The following MTF2 variants were observed in gnomAD, a reference collection of about 807,000 sequenced individuals.
MTF2 encodes the protein metal response element binding transcription factor 2.
A neutral mutation model predicts 79.5 loss-of-function variants in MTF2; 11 were observed. That is an observed-to-expected ratio of 0.14 (90% CI 0.09 to 0.23). The LOEUF is 0.23. Ranked by LOEUF, MTF2 falls within the 10% of genes least tolerant of loss-of-function variation. The probability of loss-of-function intolerance (pLI) is 1.00; values close to 1 mark genes in which losing one functional copy is unlikely to be tolerated. For synonymous variants in MTF2, 208 were observed against 232.8 expected, an observed-to-expected ratio of 0.89 and a Z score of 0.97; for missense variants, 486 against 711.2, an observed-to-expected ratio of 0.68 and a Z score of 3.60.
At chr1:93,096,448 A>C (rs547096) in intron 1 of MTF2, among the ~76,000 whole-genome samples, 152,039 of 152,246 alleles carry the variant, frequency 1, 75,917 homozygotes, top group East Asian at 1. Flanking sequence ...CATGAATAAT[A>C]TTTCCCAAAT....
In MTF2 at chr1:93,079,417, C is replaced by CCGGTGGGGCGGGTGCCCAGTAAGTGCT; in HGVS notation, c.-106_-80dup. ...TTGTGCGTGCATATGTGCCGGGTAC[C>CCGGTGGGGCGGGTGCCCAGTAAGTGCT]CGGTGGGGCGGGTGCCCAGTAAGTG... On this transcript the variant is annotated 5_prime_UTR_variant, in exon 1 of 15. Coordinates refer to ENST00000370298, the MANE Select transcript of MTF2 (RefSeq NM_007358.4). The CCGGTGGGGCGGGTGCCCAGTAAGTGCT allele has an allele frequency of 7.1e-7, 1 of 1,403,578 alleles. No homozygotes were observed. Among genetic ancestry groups the CCGGTGGGGCGGGTGCCCAGTAAGTGCT allele is most frequent in the South Asian group, 1.2e-5 (1 of 85,366 alleles). The allele number at this position is 1,403,578 out of a possible 1,614,324, so 86.9% of individuals were successfully genotyped here.
intron 1 of MTF2, among the ~76,000 whole-genome samples, chr1:93,091,986 A>T (rs907154844): frequency 6.6e-6 from 1 of 152,180 alleles, no homozygotes; most frequent in Non-Finnish European, 1.5e-5. Context: ...GGTTACTGGG[A>T]TGTCGTCTTC....
chr1:93,087,446 C>T (rs144650982), intron 1 of MTF2, among the ~76,000 whole-genome samples: 1,717 of 151,994 alleles, frequency 0.011, 14 homozygotes, highest in Non-Finnish European at 0.015. Context: ...GTGGCACGCA[C>T]CTGTAATCCC....
chr1:93,128,171 A>G (rs931462099), intron 10 of MTF2, among the ~76,000 whole-genome samples: 10 of 152,322 alleles, frequency 6.6e-5, no homozygotes, highest in Middle Eastern at 3.4e-3. Flanking sequence ...TTCATGGGAC[A>G]GTGAATTCTG....
intron 2 of MTF2, 28 bp from the exon 3 acceptor site, chr1:93,110,517 C>T (rs370503181): frequency 3.7e-6 from 6 of 1,600,496 alleles, no homozygotes; most frequent in Non-Finnish European, 4.3e-6. Context: ...TTTAAGAGAT[C>T]ACCGTTAAGT....
intron 1 of MTF2, among the ~76,000 whole-genome samples, chr1:93,096,447 T>A (rs1295622040): frequency 6.6e-6 from 1 of 152,152 alleles, no homozygotes; most frequent in Non-Finnish European, 1.5e-5. Context: ...TCATGAATAA[T>A]ATTTCCCAAA....
At chr1:93,088,607 C>T (rs1410894072) in intron 1 of MTF2, among the ~76,000 whole-genome samples, 1 of 152,050 alleles carries the variant, frequency 6.6e-6, no homozygotes, top group East Asian at 1.9e-4. Flanking sequence ...ACTTTCTTGC[C>T]CAGGCGGGAA....
At chr1:93,080,355 A>G (rs772355265) in intron 1 of MTF2, among the ~76,000 whole-genome samples, 7 of 152,224 alleles carry the variant, frequency 4.6e-5, no homozygotes, top group Non-Finnish European at 7.3e-5. Flanking sequence ...GTGTTTTACA[A>G]TCTGGTGTCC....
chr1:93,104,069 G>C (rs1235668387), intron 1 of MTF2, among the ~76,000 whole-genome samples: 1 of 151,110 alleles, frequency 6.6e-6, no homozygotes, highest in Non-Finnish European at 1.5e-5. Flanking sequence ...CTCCTGAGTA[G>C]CTGAGACCAC....
At chr1:93,091,049 T>TTTTGACCTTTTTGAGGA (rs1553149333) in intron 1 of MTF2, among the ~76,000 whole-genome samples, 3 of 152,226 alleles carry the variant, frequency 2.0e-5, no homozygotes, top group Non-Finnish European at 2.9e-5. Flanking sequence ...CCTAAAACTT[T>TTTTGACCTTTTTGAGGA]TTTGACCTTT....
intron 1 of MTF2, among the ~76,000 whole-genome samples, chr1:93,091,078 A>G (rs1368094326): frequency 2.0e-5 from 3 of 152,206 alleles, no homozygotes; most frequent in African/African-American, 7.2e-5. Context: ...CTAAACTTTT[A>G]GAATAAGCTA....
intron 1 of MTF2, among the ~76,000 whole-genome samples, chr1:93,094,680 G>T (rs1206538533): frequency 6.6e-6 from 1 of 151,806 alleles, no homozygotes. Context: ...TTGCCTTTTT[G>T]GGGGGTGGGG....
Position 93,110,545 on chromosome 1 carries a change from A to G in MTF2, c.205A>G (p.Ile69Val), listed in dbSNP as rs1160262651. 2 of 1,612,170 alleles carry G rather than the reference A, an allele frequency of 1.2e-6. No individual in the cohort carries two copies. The highest frequency in any genetic ancestry group is 1.7e-4 in the Middle Eastern group (1 of 6,050). ...GLFYLGTIKK[I>V]NILKQSCFII... The stretch of plus-strand genomic sequence containing the variant: ...CGTTAAGTATTTCTCTGTATTGCAG[A>G]TAAACATATTGAAACAGAGCTGCTT... Residue 69 changes from isoleucine to valine, a missense_variant and splice_region_variant, in exon 3 of 15, where the codon ATA becomes GTA. Ile to Val is a conservative substitution (Grantham distance 29). Coordinates refer to ENST00000370298, the MANE Select transcript of MTF2 (RefSeq NM_007358.4).
At chr1:93,089,299 G>T (rs903804786) in intron 1 of MTF2, among the ~76,000 whole-genome samples, 2 of 152,088 alleles carry the variant, frequency 1.3e-5, no homozygotes, top group Non-Finnish European at 2.9e-5. Context: ...TAGAATATGT[G>T]CTTTTATAGG....
intron 1 of MTF2, among the ~76,000 whole-genome samples, chr1:93,103,354 T>C (rs967025214): frequency 1.5e-4 from 23 of 151,734 alleles, no homozygotes; most frequent in African/African-American, 5.6e-4. Flanking sequence ...ACATCCTAAA[T>C]GTTCCTCCAT....
chr1:93,111,857 T>G (rs1656041334), intron 3 of MTF2, among the ~76,000 whole-genome samples: 1 of 152,174 alleles, frequency 6.6e-6, no homozygotes, highest in Non-Finnish European at 1.5e-5. Flanking sequence ...CTCTCTGTAA[T>G]AGCAGTGAAA....
At chr1:93,096,737 C>T (rs1279941312) in intron 1 of MTF2, among the ~76,000 whole-genome samples, 1 of 150,838 alleles carries the variant, frequency 6.6e-6, no homozygotes, top group Non-Finnish European at 1.5e-5. Flanking sequence ...ACTTCAAATA[C>T]TTATTTCTGT....
chr1:93,121,454 CTT>C (rs1276274802), intron 9 of MTF2: 1 of 956,488 alleles, frequency 1.0e-6, no homozygotes, highest in African/African-American at 1.8e-5. Flanking sequence ...CTTAGTCATG[CTT>C]TTTTTTAGGT....
chr1:93,095,246 G>A (rs1180119871), intron 1 of MTF2, among the ~76,000 whole-genome samples: 4 of 152,100 alleles, frequency 2.6e-5, no homozygotes, highest in Non-Finnish European at 5.9e-5. Context: ...TCCTTATATT[G>A]ACCAGGCTGG....
Sources: allele counts gnomAD v4.1 joint callset (sites outside exome capture counted in the v4.1 genomes callset), GRCh38; gene constraint gnomAD v4.1.1; transcripts MANE v1.5; gene names NCBI Gene and HGNC (gene_info 2026-07-23, HGNC 2026-07-21).